Variants in TMIGD3 observed in about 807,000 individuals in gnomAD.
TMIGD3 encodes transmembrane and immunoglobulin domain containing 3, also known as AD026 protein (AD026).
In TMIGD3, 21 loss-of-function variants were observed where a neutral mutation model predicts 28.1. The observed-to-expected ratio is 0.75, with a 90% CI of 0.53 to 1.08. The LOEUF is 1.08. TMIGD3 is among the 50% of genes least tolerant of loss of function. TMIGD3 has a pLI of 0.00. For synonymous variants in TMIGD3, 151 were observed against 162.1 expected, an observed-to-expected ratio of 0.93 and a Z score of 0.52; for missense variants, 416 against 435.6, an observed-to-expected ratio of 0.96 and a Z score of 0.40.
At chr1:111,545,441 G>A (rs528985071) in intron 1 of TMIGD3, among the ~76,000 whole-genome samples, 15 of 152,020 alleles carry the variant, frequency 9.9e-5, no homozygotes, top group Admixed American at 4.6e-4. Flanking sequence ...ATATCTGTTC[G>A]AGTCCTTTGC....
intron 1 of TMIGD3, among the ~76,000 whole-genome samples, chr1:111,536,445 A>G (rs1423775983): frequency 6.6e-6 from 1 of 152,116 alleles, no homozygotes; most frequent in Non-Finnish European, 1.5e-5. Context: ...CCATGCCCTC[A>G]TTTCCCTTAC....
At chr1:111,501,563 C>T (rs1042820802) in intron 1 of TMIGD3, among the ~76,000 whole-genome samples, 4 of 152,104 alleles carry the variant, frequency 2.6e-5, no homozygotes, top group African/African-American at 4.8e-5. Flanking sequence ...CATATGTTAA[C>T]GCATTTCATT....
Position 111,524,174 on chromosome 1 carries a change from C to T in TMIGD3, c.108-33412G>A, listed in dbSNP as rs568663640. Among the ~76,000 whole-genome samples, 604 of 150,776 alleles carry T rather than the reference C, an allele frequency of 4.0e-3. 4 individuals are homozygous for T. Among genetic ancestry groups the T allele is most frequent in the African/African-American group, 0.014 (581 of 41,156 alleles). On this transcript the variant is annotated intron_variant, in intron 1 of 5. Transcript: ENST00000369717. ...CCTCCCAAGTAGCTGGGACTACAGG[C>T]GCCCGCCACTATGCCTGGCTAATTT... is the stretch of plus-strand genomic sequence containing the variant.
intron 2 of TMIGD3, among the ~76,000 whole-genome samples, chr1:111,490,047 G>A (rs1654581762): frequency 6.6e-6 from 1 of 152,138 alleles, no homozygotes; most frequent in Non-Finnish European, 1.5e-5. Context: ...AAGGAAGATA[G>A]CATGATCTTC....
At position 111,549,345 on chromosome 1, in the gene TMIGD3, T is replaced by C. The variant is rs973540743; in HGVS notation, c.107+14501A>G. On this transcript the variant is annotated intron_variant, in intron 1 of 5. Coordinates refer to the TMIGD3 transcript ENST00000369717. The stretch of plus-strand genomic sequence containing the variant: ...TTTTTTCTTGTCTTTTTCCTTTTTT[T>C]CCCCCTTTTAAAACATGGTCGGGCT... 5.3e-5 allele frequency among the ~76,000 whole-genome samples: 8 copies of C among 151,256 alleles called. No individual in the cohort carries two copies. The East Asian group carries it at 9.7e-4, about 18-fold the overall frequency.
At chr1:111,517,332 A>G (rs1396203928) in intron 1 of TMIGD3, among the ~76,000 whole-genome samples, 1 of 151,700 alleles carries the variant, frequency 6.6e-6, no homozygotes, top group Non-Finnish European at 1.5e-5. Flanking sequence ...GCAGTAGTCA[A>G]TGGAAAAAAA....
chr1:111,508,198 A>C (rs1316897463), upstream of TMIGD3, among the ~76,000 whole-genome samples: 3 of 151,706 alleles, frequency 2.0e-5, no homozygotes, highest in Admixed American at 6.6e-5. Flanking sequence ...AGACCCCCCC[A>C]CCCACACCGA....
Position 111,493,218 on chromosome 1 carries a change from A to G in TMIGD3, c.351-2456T>C, listed in dbSNP as rs74997666. On this transcript the variant is annotated intron_variant, in intron 1 of 5. Coordinates refer to ENST00000369716, the MANE Select transcript of TMIGD3 (RefSeq NM_020683.7). Reference sequence around the variant, plus strand: ...TTGACCCTCCAAACCTCATGCTGAAATTTGATCCCCTATGTTGGAGGTGGG... The same window carrying G: ...TTGACCCTCCAAACCTCATGCTGAAGTTTGATCCCCTATGTTGGAGGTGGG... 6.2e-3 allele frequency among the ~76,000 whole-genome samples: 943 copies of G among 152,248 alleles called. 12 individuals carry two copies. Among genetic ancestry groups the G allele is most frequent in the African/African-American group, 0.019 (807 of 41,534 alleles).
chr1:111,512,167 A>C (rs768954076), intron 1 of TMIGD3, among the ~76,000 whole-genome samples: 27 of 152,354 alleles, frequency 1.8e-4, no homozygotes, highest in Non-Finnish European at 3.8e-4. Context: ...GCCCTTTGCC[A>C]GTTGGCCAGT....
At chr1:111,533,792 T>C (rs551462907) in intron 1 of TMIGD3, among the ~76,000 whole-genome samples, 10 of 152,310 alleles carry the variant, frequency 6.6e-5, no homozygotes, top group Admixed American at 4.6e-4. Context: ...TGAACTCAAG[T>C]GATCCACCCA....
At chr1:111,487,563 G>C (rs1179402715) in intron 3 of TMIGD3, among the ~76,000 whole-genome samples, 3 of 151,878 alleles carry the variant, frequency 2.0e-5, no homozygotes, top group Non-Finnish European at 4.4e-5. Context: ...CTCTGTCTGA[G>C]AGACAGAGGT....
chr1:111,494,445 A>G lies in TMIGD3; in HGVS notation c.351-3683T>C, dbSNP rs537831104. ...AGCCAGGCTGAGAGCCAAATCAGGA[A>G]TGCAATCCCATTCACAATTGCCACA... On this transcript the variant is annotated intron_variant, in intron 1 of 5. Transcript: ENST00000369716. Among the ~76,000 whole-genome samples, 33 of 152,352 alleles carry G rather than the reference A, an allele frequency of 2.2e-4. 1 individual carries two copies. The South Asian group carries it at 6.8e-3, about 32-fold the overall frequency.
chr1:111,529,969 C>G (rs1186246975), intron 1 of TMIGD3, among the ~76,000 whole-genome samples: 9 of 105,956 alleles, frequency 8.5e-5, no homozygotes, highest in South Asian at 5.9e-4. Flanking sequence ...CCCCTCACCT[C>G]CCGGATGGGG....
intron 1 of TMIGD3, chr1:111,499,695 A>C: frequency 7.9e-7 from 1 of 1,273,830 alleles, no homozygotes; most frequent in Non-Finnish European, 1.0e-6. Flanking sequence ...AAAACAGACA[A>C]TAATATCAAT....
intron 1 of TMIGD3, among the ~76,000 whole-genome samples, chr1:111,537,614 C>A (rs1367284302): frequency 1.3e-5 from 2 of 152,158 alleles, no homozygotes; most frequent in Non-Finnish European, 2.9e-5. Flanking sequence ...AGAAAGGACA[C>A]CAGAGATTTC....
chr1:111,547,795 G>A (rs1470167023), intron 1 of TMIGD3, among the ~76,000 whole-genome samples: 1 of 152,196 alleles, frequency 6.6e-6, no homozygotes, highest in Admixed American at 6.5e-5. Flanking sequence ...CAGGAGCATT[G>A]TCATGGTGGA....
intron 1 of TMIGD3, among the ~76,000 whole-genome samples, chr1:111,517,349 G>T (rs1655903917): frequency 6.7e-6 from 1 of 148,576 alleles, no homozygotes; most frequent in African/African-American, 2.5e-5. Flanking sequence ...AAAAAAAAAA[G>T]CGAGGACTGC....
chr1:111,548,899 C>G (rs1301871215), intron 1 of TMIGD3, among the ~76,000 whole-genome samples: 1 of 152,194 alleles, frequency 6.6e-6, no homozygotes, highest in Non-Finnish European at 1.5e-5. Context: ...TGTTTTCAAA[C>G]TGATGCCTTA....
chr1:111,563,205 G>A (rs536663759), intron 1 of TMIGD3, among the ~76,000 whole-genome samples: 41 of 152,064 alleles, frequency 2.7e-4, no homozygotes, highest in Non-Finnish European at 4.9e-4. Context: ...AGCCCAGGAG[G>A]TTGAGGCCAC....
Sources: gnomAD v4.1 joint callset for allele counts (sites outside exome capture counted in the v4.1 genomes callset) on GRCh38, gnomAD v4.1.1 for gene constraint, MANE v1.5 for transcripts, NCBI Gene and HGNC (gene_info 2026-07-23, HGNC 2026-07-21) for gene names.